PDE4A: variants seen among roughly 807,000 people sequenced by gnomAD.
PDE4A encodes phosphodiesterase 4A, also known as 3',5'-cyclic-AMP phosphodiesterase 4A.
Under a neutral mutation model 73.9 loss-of-function variants are expected in PDE4A, and 21 were observed. The ratio of observed to expected loss-of-function variants is 0.28; its 90% CI spans 0.20 to 0.41. PDE4A has a LOEUF of 0.41. PDE4A is among the 10% of genes least tolerant of loss of function. PDE4A has a pLI of 1.00. For synonymous variants in PDE4A, 463 were observed against 505.4 expected (o/e 0.92, Z 1.13); for missense variants, 958 against 1,211.4 (o/e 0.79, Z 3.10).
chr19:10,421,894 G>A (rs778195402), intron 1 of PDE4A, among the ~76,000 whole-genome samples: 6 of 152,204 alleles, frequency 3.9e-5, no homozygotes, highest in Non-Finnish European at 8.8e-5. Context: ...GGCTACCTCA[G>A]TTGTGTGCTC....
At chr19:10,464,126 C>T in intron 14 of PDE4A, 151 bp downstream of exon 14, 3 of 1,012,848 alleles carry the variant, frequency 3.0e-6, no homozygotes, top group Admixed American at 2.2e-5. Flanking sequence ...GAGACGGAGT[C>T]TCATTCTATT....
rs941550779 is a variant in PDE4A, at chr19:10,430,867, G to A, written c.320+9783G>A. The A allele has an allele frequency of 1.3e-5, 19 of 1,430,840 alleles. No individual in the cohort carries two copies. The Admixed American group carries it at 3.8e-4, about 29-fold the overall frequency. The allele number at this position is 1,430,840 out of a possible 1,614,324, so 88.6% of individuals were successfully genotyped here. ...GCCATGGCGCGGCCGCGCGGCCTAG[G>A]CCGCATCCCGGAGCTGCAACTGGTG... On this transcript the variant is annotated intron_variant, in intron 1 of 14. Transcript: ENST00000380702.
intron 1 of PDE4A, chr19:10,430,887 C>A: frequency 1.4e-6 from 2 of 1,481,090 alleles, no homozygotes; most frequent in Non-Finnish European, 1.8e-6. Context: ...GGAGCTGCAA[C>A]TGGTGGCCTT....
chr19:10,465,084 C>T (rs1236483232), intron 14 of PDE4A, among the ~76,000 whole-genome samples: 2 of 152,096 alleles, frequency 1.3e-5, no homozygotes. Flanking sequence ...CCCGTCCAGA[C>T]CTGAGTTTCT....
At chr19:10,459,242 G>C (rs2043219799) in intron 8 of PDE4A, 158 bp from the exon 9 acceptor site, 1 of 1,306,552 alleles carries the variant, frequency 7.7e-7, no homozygotes, top group Non-Finnish European at 1.0e-6. Flanking sequence ...TTGCAGCCCA[G>C]TAGGACGAGG....
At chr19:10,464,603 G>A (rs966144518) in intron 14 of PDE4A, among the ~76,000 whole-genome samples, 5 of 151,908 alleles carry the variant, frequency 3.3e-5, no homozygotes, top group African/African-American at 9.7e-5. Context: ...ATTTTTTGTC[G>A]AGACAGGGAT....
At chr19:10,419,000 C>T, upstream of PDE4A, 1 of 983,508 alleles carries the variant, frequency 1.0e-6, no homozygotes, top group Non-Finnish European at 1.2e-6. Flanking sequence ...TTCGCCCACG[C>T]CGGGAGCCCC....
At chr19:10,447,823 T>G (rs371975279) in intron 2 of PDE4A, among the ~76,000 whole-genome samples, 1 of 152,042 alleles carries the variant, frequency 6.6e-6, no homozygotes, top group Admixed American at 6.6e-5. Context: ...GAGGTGTGAG[T>G]TCCCCCTGAA....
In PDE4A at chr19:10,459,776, T is replaced by A; in HGVS notation, c.1365+17T>A. 6.3e-7 allele frequency: 1 copy of A among 1,588,102 alleles called. No homozygotes were observed. The highest frequency in any genetic ancestry group is 1.1e-5 in the South Asian group (1 of 88,196). ...GCACTAGATGTGAGTGACTGCCCTG[T>A]GAGTGACCGTCCCCATCTCTCTTTG... On this transcript the variant is annotated intron_variant, in intron 10 of 14. Transcript: ENST00000380702.
At chr19:10,417,068 AT>A, upstream of PDE4A, 1 of 1,499,714 alleles carries the variant, frequency 6.7e-7, no homozygotes, top group African/African-American at 1.4e-5. Flanking sequence ...GACCACGGCT[AT>A]TTCCTGAACG....
chr19:10,422,101 A>G (rs2042658536), intron 1 of PDE4A, among the ~76,000 whole-genome samples: 1 of 152,058 alleles, frequency 6.6e-6, no homozygotes, highest in Non-Finnish European at 1.5e-5. Context: ...CATGGGATGC[A>G]GTGATTGGGA....
In PDE4A at chr19:10,465,683, CTTTTTTTTTTTTTTTT is replaced by C. The variant is rs749126870; in HGVS notation, c.1927-1185_1927-1170del. 9.9e-3 allele frequency among the ~76,000 whole-genome samples: 480 copies of C among 48,402 alleles called. 4 individuals are homozygous for C. Among genetic ancestry groups the C allele is most frequent in the Middle Eastern group, 0.058 (3 of 52 alleles). The allele number at this position is 48,402 out of a possible 152,430, so 31.8% of individuals were successfully genotyped here. On this transcript the variant is annotated intron_variant, in intron 14 of 14. Coordinates refer to ENST00000380702, the MANE Select transcript of PDE4A (RefSeq NM_001111307.2). ...TCATAGCAATAGTTTGTGGCTTTAGCTTTTTTTTTTTTTTTTTTTTTTTTTTTTTTTTTTGAGATGA... is the reference window on the plus strand; with the variant it reads ...TCATAGCAATAGTTTGTGGCTTTAGCTTTTTTTTTTTTTTTTTTGAGATGA...
intron 1 of PDE4A, among the ~76,000 whole-genome samples, chr19:10,442,003 C>T (rs1348360997): frequency 2.0e-5 from 3 of 151,988 alleles, no homozygotes; most frequent in Non-Finnish European, 2.9e-5. Context: ...GAGTTAATTT[C>T]TGTATGTGGT....
chr19:10,461,837 G>A, intron 12 of PDE4A, 40 bp from the exon 13 acceptor site: 3 of 1,602,600 alleles, frequency 1.9e-6, no homozygotes, highest in Middle Eastern at 3.6e-4. Flanking sequence ...AGTCTGGGGG[G>A]CGGGTGTCAG....
rs2043203165 is a variant in PDE4A at position 10,458,206 on chromosome 19, A to G, written c.1101+104A>G. On this transcript the variant is annotated intron_variant, in intron 8 of 14. Transcript: ENST00000380702. The surrounding 1 kb of genome is among the most constrained non-coding windows in gnomAD (Gnocchi z 4.6). ...GTCTTAGGCCAGGTTTCCCAGAAGC[A>G]GAGCTTGAGATGAGGGTTTGAGCCC... 1 of 1,087,088 alleles carries G rather than the reference A, an allele frequency of 9.2e-7. No individual in the cohort carries two copies. The highest frequency in any genetic ancestry group is 2.1e-5 in the Admixed American group (1 of 46,822). The allele number at this position is 1,087,088 out of a possible 1,614,324, so 67.3% of individuals were successfully genotyped here.
rs372643076 is a variant in PDE4A at position 10,458,031 on chromosome 19, A to G, written c.1030A>G (p.Ser344Gly). Reference protein sequence around the residue: ...QITGLKKLMHSNSLNNSNIPR... With the variant: ...QITGLKKLMHGNSLNNSNIPR... Reference sequence around the variant, plus strand: ...CACAGGGTTGAAAAAGTTGATGCATAGTAACAGCCTGAACAACTCTAACAT... The same window carrying G: ...CACAGGGTTGAAAAAGTTGATGCATGGTAACAGCCTGAACAACTCTAACAT... The change falls in exon 8 of 15, where the codon AGT becomes GGT. Residue 344 changes from serine (S) to glycine (G), a missense_variant. This residue lies in a region of PDE4A where 570 missense variants were observed against 827.7 expected (regional missense o/e 0.69). Transcript: ENST00000380702. This position sits in a 1 kb window ranked among gnomAD's most constrained non-coding sequence, Gnocchi z 4.6. 8 of 1,613,826 alleles carry G rather than the reference A, an allele frequency of 5.0e-6. No homozygotes were observed. The highest frequency in any genetic ancestry group is 3.3e-5 in the Admixed American group (2 of 60,004).
At chr19:10,421,435 C>A in intron 1 of PDE4A, 1 of 695,804 alleles carries the variant, frequency 1.4e-6, no homozygotes, top group Non-Finnish European at 1.8e-6. Context: ...TTCCTGGGGG[C>A]ACTATACTGA....
intron 2 of PDE4A, among the ~76,000 whole-genome samples, chr19:10,447,742 T>C (rs1350349164): frequency 5.3e-5 from 8 of 152,046 alleles, no homozygotes; most frequent in African/African-American, 1.9e-4. Flanking sequence ...AGTGTGTACA[T>C]CTCACCTGAC....
rs1356157097 is a variant in PDE4A, at chr19:10,468,413, CT to C, written c.*795del. The C allele has an allele frequency of 6.6e-6, 1 of 152,504 alleles. No homozygotes were observed. Among genetic ancestry groups the C allele is most frequent in the East Asian group, 1.9e-4 (1 of 5,286 alleles). 9.4% of individuals were successfully genotyped at this position (152,504 alleles called of 1,614,324 possible). On this transcript the variant is annotated 3_prime_UTR_variant, in exon 15 of 15. Coordinates refer to ENST00000380702, the MANE Select transcript of PDE4A (RefSeq NM_001111307.2). ...CTAGACCTCCTCCACTCTCCATCCC[CT>C]TTCCCTTCCACTTTGGGTTCACTTT...
Sources: gnomAD v4.1 joint callset for allele counts (sites outside exome capture counted in the v4.1 genomes callset) on GRCh38, gnomAD v4.1.1 for gene constraint, gnomAD v4.1.1 regional missense constraint, Gnocchi (gnomAD v3.1) non-coding constraint, MANE v1.5 for transcripts, NCBI Gene and HGNC (gene_info 2026-07-23, HGNC 2026-07-21) for gene names.